Variants in PPP1R21 observed in about 807,000 individuals in gnomAD.
PPP1R21 encodes the protein KLRAQ motif containing 1.
Under a neutral mutation model 112.8 loss-of-function variants are expected in PPP1R21, and 85 were observed. The observed-to-expected ratio is 0.75, with a 90% CI of 0.63 to 0.90. The LOEUF (loss-of-function observed/expected upper bound fraction) is 0.90. PPP1R21 is among the 40% of genes least tolerant of loss of function. PPP1R21 has a pLI of 0.00. For missense variants in PPP1R21, 1,199 were observed against 901.5 expected (o/e 1.33, Z -4.23); for synonymous variants, 381 against 322.3 (o/e 1.18, Z -1.95).
At chr2:48,478,877 TAAG>T (rs1668876567) in intron 12 of PPP1R21, among the ~76,000 whole-genome samples, 2 of 152,218 alleles carry the variant, frequency 1.3e-5, no homozygotes, top group South Asian at 4.1e-4. Flanking sequence ...GTCAGTTCCT[TAAG>T]AAGAGATTAA....
chr2:48,494,147 G>T (rs773780276), intron 15 of PPP1R21, among the ~76,000 whole-genome samples: 19 of 148,756 alleles, frequency 1.3e-4, no homozygotes, highest in Non-Finnish European at 2.4e-4. Flanking sequence ...GCTGAGGCAG[G>T]AGGAGCCCTG....
At chr2:48,478,995 C>A (rs747444816) in intron 12 of PPP1R21, among the ~76,000 whole-genome samples, 11 of 152,166 alleles carry the variant, frequency 7.2e-5, no homozygotes, top group African/African-American at 1.2e-4. Context: ...AGAAACTGCG[C>A]CCTTAGTGGA....
rs750748783 is a variant in PPP1R21, at chr2:48,507,396, A to G, written c.2085+11A>G. The G allele has an allele frequency of 2.5e-6, 4 of 1,592,604 alleles. No homozygotes were observed. Among genetic ancestry groups the G allele is most frequent in the South Asian group, 1.2e-5 (1 of 86,870 alleles). Reference sequence around the variant, plus strand: ...CATTTTTATGCCGAGGTGAGTGTAGATTTAATTAGATTGGTGGTTTTTTTC... The same window carrying G: ...CATTTTTATGCCGAGGTGAGTGTAGGTTTAATTAGATTGGTGGTTTTTTTC... On this transcript the variant is annotated intron_variant, in intron 19 of 21. Transcript: ENST00000294952.
chr2:48,500,770 G>A (rs1397116285), intron 17 of PPP1R21, among the ~76,000 whole-genome samples: 2 of 152,084 alleles, frequency 1.3e-5, no homozygotes, highest in Non-Finnish European at 2.9e-5. Context: ...TTAGCCAGGC[G>A]TGGCGGCCTG....
At chr2:48,512,001 A>G (rs1670665004) in intron 21 of PPP1R21, among the ~76,000 whole-genome samples, 2 of 152,206 alleles carry the variant, frequency 1.3e-5, no homozygotes, top group South Asian at 4.1e-4. Context: ...TTAATACTGT[A>G]TCAGCTGCTT....
chr2:48,495,051 G>A (rs539759527), intron 15 of PPP1R21, among the ~76,000 whole-genome samples: 2 of 152,238 alleles, frequency 1.3e-5, no homozygotes, highest in Admixed American at 6.5e-5. Flanking sequence ...ACTGAATACT[G>A]TACTGAAAGT....
In PPP1R21 at chr2:48,467,822, G is replaced by A. The variant is rs543084077; in HGVS notation, c.897+2180G>A. 9.7e-4 allele frequency among the ~76,000 whole-genome samples: 148 copies of A among 152,302 alleles called. 1 individual carries two copies. The highest frequency in any genetic ancestry group is 1.9e-3 in the Non-Finnish European group (128 of 68,032). On this transcript the variant is annotated intron_variant, in intron 9 of 21. Transcript: ENST00000294952. ...ATACCAGGAAGTGGAGACAATTGAA[G>A]CCATCTTAGAAGCTGACTCTCACAG...
intron 17 of PPP1R21, among the ~76,000 whole-genome samples, chr2:48,502,955 CA>C (rs1180434871): frequency 6.6e-6 from 1 of 152,090 alleles, no homozygotes; most frequent in Non-Finnish European, 1.5e-5. Flanking sequence ...GCTGGGATTA[CA>C]GGTGTGAGCT....
chr2:48,501,938 T>G (rs1670135286), intron 17 of PPP1R21: 1 of 152,192 alleles, frequency 6.6e-6, no homozygotes, highest in Non-Finnish European at 1.5e-5. Flanking sequence ...GTGGAATGCT[T>G]CATGAATTTT....
At chr2:48,448,528 A>G (rs925782091) in intron 1 of PPP1R21, among the ~76,000 whole-genome samples, 3 of 146,628 alleles carry the variant, frequency 2.0e-5, no homozygotes, top group African/African-American at 5.0e-5. Flanking sequence ...GCTTCTAAAT[A>G]CCACACAAAG....
At chr2:48,450,874 C>T in intron 1 of PPP1R21, 134 bp from the exon 2 acceptor site, 1 of 633,992 alleles carries the variant, frequency 1.6e-6, no homozygotes, top group South Asian at 1.9e-5. Context: ...GGGTCTAATA[C>T]TTTTTTGTTC....
chr2:48,466,244 C>T (rs927364099), intron 9 of PPP1R21, among the ~76,000 whole-genome samples: 7 of 151,594 alleles, frequency 4.6e-5, no homozygotes, highest in Admixed American at 1.3e-4. Context: ...TGGAGTCTCG[C>T]TCTGTTGCCC....
At chr2:48,501,055 C>T (rs972049278) in intron 17 of PPP1R21, among the ~76,000 whole-genome samples, 1 of 152,202 alleles carries the variant, frequency 6.6e-6, no homozygotes, top group African/African-American at 2.4e-5. Context: ...AGTCTTTGTT[C>T]CAGTCACAAG....
chr2:48,501,523 C>G (rs952026676), intron 17 of PPP1R21, among the ~76,000 whole-genome samples: 1 of 152,160 alleles, frequency 6.6e-6, no homozygotes, highest in Non-Finnish European at 1.5e-5. Flanking sequence ...AAACCAAGGA[C>G]CAAAGAGAAA....
At chr2:48,487,055 A>T (rs1669334084) in intron 14 of PPP1R21, among the ~76,000 whole-genome samples, 1 of 152,114 alleles carries the variant, frequency 6.6e-6, no homozygotes, top group Non-Finnish European at 1.5e-5. Flanking sequence ...CTAATGTTTA[A>T]AGCAATGTGA....
intron 14 of PPP1R21, among the ~76,000 whole-genome samples, chr2:48,490,087 C>T (rs1056768739): frequency 3.3e-5 from 5 of 151,564 alleles, no homozygotes; most frequent in Non-Finnish European, 5.9e-5. Flanking sequence ...GATGTGGTGA[C>T]GGGCACCTGT....
chr2:48,464,437 G>A (rs992983126), intron 7 of PPP1R21, among the ~76,000 whole-genome samples: 2 of 152,114 alleles, frequency 1.3e-5, no homozygotes, highest in Non-Finnish European at 2.9e-5. Context: ...AACAGACCAG[G>A]GTAGAGAGGA....
chr2:48,502,388 G>A (rs572160336), intron 17 of PPP1R21, among the ~76,000 whole-genome samples: 5 of 148,308 alleles, frequency 3.4e-5, no homozygotes, highest in African/African-American at 1.3e-4. Context: ...TGCACACAGT[G>A]CACAATAGAA....
intron 11 of PPP1R21, among the ~76,000 whole-genome samples, chr2:48,471,987 C>A (rs935627353): frequency 3.6e-4 from 55 of 152,176 alleles, no homozygotes; most frequent in Admixed American, 2.0e-4. Flanking sequence ...CGCCTGTAAT[C>A]CCAGCACTTT....
Sources: allele counts gnomAD v4.1 joint callset (sites outside exome capture counted in the v4.1 genomes callset), GRCh38; gene constraint gnomAD v4.1.1; transcripts MANE v1.5; gene names NCBI Gene and HGNC (gene_info 2026-07-23, HGNC 2026-07-21).